The following PCNX2 variants were observed in gnomAD, a reference collection of about 807,000 sequenced individuals.
PCNX2 encodes pecanex 2.
In PCNX2, 168 loss-of-function variants were observed where a neutral mutation model predicts 223.8. The observed-to-expected ratio is 0.75, with a 90% confidence interval of 0.66 to 0.85. The LOEUF (loss-of-function observed/expected upper bound fraction) is 0.85, where lower values mean the gene tolerates loss of function less well. PCNX2 is among the 40% of genes least tolerant of loss of function. PCNX2 has a pLI of 0.00. For synonymous variants in PCNX2, 1,006 were observed against 1,052.6 expected, an observed-to-expected ratio of 0.96 and a Z score of 0.86; for missense variants, 2,507 against 2,675.5, an observed-to-expected ratio of 0.94 and a Z score of 1.39.
chr1:233,042,701 A>C (rs1671684470), intron 25 of PCNX2, among the ~76,000 whole-genome samples: 1 of 152,230 alleles, frequency 6.6e-6, no homozygotes, highest in South Asian at 2.1e-4. Flanking sequence ...TAAGGCTCTA[A>C]GGAAGAAATC....
chr1:232,984,322 A>G lies in PCNX2; in HGVS notation c.6396T>C (p.Ser2132=). The part of the protein sequence containing the change: ...MGLDDTASQQ[S]VSDEQ ...ACGCCCGTCACTGCTCGTCTGACACACTTTGCTGCGAGGCCGTGTCGTCCA... is the reference window on the plus strand; with the variant it reads ...ACGCCCGTCACTGCTCGTCTGACACGCTTTGCTGCGAGGCCGTGTCGTCCA... The change falls in exon 34 of 34, where the codon AGT becomes AGC. Residue 2132 remains serine, a synonymous_variant. Transcript: ENST00000258229. 1 of 1,608,384 alleles carries G rather than the reference A, an allele frequency of 6.2e-7. No homozygotes were observed. Among genetic ancestry groups the G allele is most frequent in the East Asian group, 2.2e-5 (1 of 44,580 alleles).
chr1:233,188,901 A>G (rs1036002572), intron 15 of PCNX2, among the ~76,000 whole-genome samples: 2 of 152,180 alleles, frequency 1.3e-5, no homozygotes, highest in Non-Finnish European at 2.9e-5. Flanking sequence ...AATCCCTTCA[A>G]GTTTGCCAGA....
chr1:233,159,104 G>A (rs763679803), intron 19 of PCNX2, among the ~76,000 whole-genome samples: 5 of 152,108 alleles, frequency 3.3e-5, no homozygotes, highest in Non-Finnish European at 7.4e-5. Flanking sequence ...TGATTCTGTA[G>A]GTGGGAAGAG....
chr1:233,198,976 G>A lies in PCNX2; in HGVS notation c.3029C>T (p.Ala1010Val), dbSNP rs1680896352. The A allele has an allele frequency of 1.2e-6, 2 of 1,605,528 alleles. No homozygotes were observed. The highest frequency in any genetic ancestry group is 1.7e-6 in the Non-Finnish European group (2 of 1,176,642). ...GAAGCAGACTGCGTGGAGCAGGGCG[G>A]CAGCCAAGACGCTCCGGGCCACACT... ...VYSVARSVLA[A>V]ALLHAVCFSA... is the part of the protein sequence containing the mutation. The change falls in exon 15 of 34, where the codon GCC becomes GTC. Residue 1010 changes from alanine (A) to valine (V), a missense_variant. Around this residue, in one of 3 missense-constraint regions of PCNX2, gnomAD observed 1,372 missense variants for 1,509.4 expected, o/e 0.91. Coordinates refer to ENST00000258229, the MANE Select transcript of PCNX2 (RefSeq NM_014801.4).
At chr1:233,153,117 G>A (rs1392487771) in intron 19 of PCNX2, among the ~76,000 whole-genome samples, 1 of 152,228 alleles carries the variant, frequency 6.6e-6, no homozygotes, top group African/African-American at 2.4e-5. Flanking sequence ...AGCAGCAGCA[G>A]TGGATGCTGG....
intron 23 of PCNX2, among the ~76,000 whole-genome samples, chr1:233,063,318 A>C (rs1672473313): frequency 6.6e-6 from 1 of 152,176 alleles, no homozygotes; most frequent in Non-Finnish European, 1.5e-5. Context: ...CAAACATACA[A>C]AAATATACAC....
chr1:233,241,340 C>A (rs560917116), intron 8 of PCNX2: 1 of 985,424 alleles, frequency 1.0e-6, no homozygotes, highest in East Asian at 1.1e-4. Context: ...CTCAGGCTTT[C>A]AGAGAAAATG....
chr1:233,131,463 T>A (rs959693343), intron 21 of PCNX2, among the ~76,000 whole-genome samples: 13 of 152,328 alleles, frequency 8.5e-5, no homozygotes, highest in Admixed American at 4.6e-4. Context: ...ACAGGGGACC[T>A]TAACTGTGAA....
At chr1:233,100,403 G>C (rs1182830297) in intron 21 of PCNX2, among the ~76,000 whole-genome samples, 3 of 121,562 alleles carry the variant, frequency 2.5e-5, no homozygotes, top group Non-Finnish European at 4.8e-5. Context: ...GGGTGACAGA[G>C]AGAGATTCTG....
chr1:233,165,402 C>T lies in PCNX2; in HGVS notation c.3274-4039G>A, dbSNP rs953772083. ...ATACTGCCATTTGGTGGCTAGAGAC[C>T]AGGGATGCAGCCAAACATCCTACAA... is the stretch of plus-strand genomic sequence containing the variant. On this transcript the variant is annotated intron_variant, in intron 17 of 33. Coordinates refer to ENST00000258229, the MANE Select transcript of PCNX2 (RefSeq NM_014801.4). 3.3e-5 allele frequency among the ~76,000 whole-genome samples: 5 copies of T among 152,028 alleles called. No homozygotes were observed. The East Asian group carries it at 9.6e-4, about 29-fold the overall frequency.
chr1:233,110,151 T>C (rs755584285), intron 21 of PCNX2, among the ~76,000 whole-genome samples: 1 of 151,386 alleles, frequency 6.6e-6, no homozygotes. Flanking sequence ...AATATACAAA[T>C]GAACAAATGA....
chr1:233,160,242 C>T (rs1468271466), intron 19 of PCNX2, 41 bp downstream of exon 19: 3 of 1,527,822 alleles, frequency 2.0e-6, no homozygotes, highest in Non-Finnish European at 2.7e-6. Context: ...TATACCTACC[C>T]CTCCTTTTTT....
chr1:233,204,258 A>G (rs1028227919), intron 13 of PCNX2, among the ~76,000 whole-genome samples: 7 of 152,154 alleles, frequency 4.6e-5, no homozygotes, highest in Admixed American at 3.9e-4. Context: ...GCCGCCTACA[A>G]GCCAAGGAGA....
intron 22 of PCNX2, among the ~76,000 whole-genome samples, chr1:233,093,177 C>T (rs1054780178): frequency 1.2e-4 from 18 of 152,160 alleles, no homozygotes; most frequent in Non-Finnish European, 7.3e-5. Context: ...GCAGCCCTCC[C>T]AATCTCCGGG....
chr1:233,148,149 G>A (rs1677573603), intron 19 of PCNX2, among the ~76,000 whole-genome samples: 1 of 152,158 alleles, frequency 6.6e-6, no homozygotes, highest in Non-Finnish European at 1.5e-5. Flanking sequence ...TAGATGAGAG[G>A]ACAGCAAATG....
At chr1:233,003,213 C>T (rs1211373659) in intron 28 of PCNX2, among the ~76,000 whole-genome samples, 1 of 152,176 alleles carries the variant, frequency 6.6e-6, no homozygotes, top group East Asian at 1.9e-4. Context: ...TCAGAGTGAA[C>T]AGGCAACCTA....
intron 32 of PCNX2, among the ~76,000 whole-genome samples, chr1:232,992,355 T>C (rs568160984): frequency 2.6e-5 from 4 of 152,332 alleles, no homozygotes; most frequent in African/African-American, 9.6e-5. Context: ...CAGCTTTGCC[T>C]GCTCGTGGGG....
chr1:233,208,718 T>C (rs769108938), intron 12 of PCNX2, 29 bp from the exon 13 acceptor site: 23 of 1,595,914 alleles, frequency 1.4e-5, no homozygotes, highest in Admixed American at 1.4e-4. Context: ...TTCTGAATGG[T>C]ACCTCTTATT....
intron 1 of PCNX2, among the ~76,000 whole-genome samples, chr1:233,266,798 G>A (rs1244893911): frequency 5.3e-5 from 8 of 152,078 alleles, no homozygotes; most frequent in African/African-American, 1.4e-4. Flanking sequence ...TCATATCCTT[G>A]GCCAAAGAAA....
Sources: allele counts gnomAD v4.1 joint callset (sites outside exome capture counted in the v4.1 genomes callset), GRCh38; gene constraint gnomAD v4.1.1; regional missense constraint gnomAD v4.1.1; transcripts MANE v1.5; gene names NCBI Gene and HGNC (gene_info 2026-07-23, HGNC 2026-07-21).